Variants in PTPRD observed in about 807,000 individuals in gnomAD.
PTPRD encodes the protein receptor-type tyrosine-protein phosphatase delta.
Under a neutral mutation model 214.5 loss-of-function variants are expected in PTPRD, and 34 were observed. The ratio of observed to expected loss-of-function variants is 0.16; its 90% CI spans 0.12 to 0.21. The LOEUF is 0.21. PTPRD is among the 10% of genes least tolerant of loss of function. PTPRD has a pLI of 1.00. For synonymous variants in PTPRD, 1,128 were observed against 845.7 expected (o/e 1.33, Z -5.79); for missense variants, 2,545 against 2,398.7 (o/e 1.06, Z -1.27).
intron 5 of PTPRD, among the ~76,000 whole-genome samples, chr9:9,789,638 A>C (rs1376221881): frequency 6.6e-6 from 1 of 151,814 alleles, no homozygotes; most frequent in Non-Finnish European, 1.5e-5. Context: ...CCTACTAAAA[A>C]TACAAAAACT....
At chr9:10,080,255 G>A (rs2098213674) in intron 3 of PTPRD, among the ~76,000 whole-genome samples, 1 of 152,022 alleles carries the variant, frequency 6.6e-6, no homozygotes, top group Admixed American at 6.6e-5. Context: ...CACACTAAAG[G>A]AAAATCAGAC....
chr9:10,608,233 G>T (rs1591917181), intron 2 of PTPRD, among the ~76,000 whole-genome samples: 1 of 151,930 alleles, frequency 6.6e-6, no homozygotes, highest in Non-Finnish European at 1.5e-5. Context: ...AAGACACTAA[G>T]CATCCCCTTT....
chr9:8,376,539 T>C, intron 38 of PTPRD, 68 bp downstream of exon 38: 2 of 1,601,042 alleles, frequency 1.2e-6, no homozygotes, highest in South Asian at 2.2e-5. Flanking sequence ...AGAGATTTCA[T>C]TTCTCAAAAG....
intron 5 of PTPRD, among the ~76,000 whole-genome samples, chr9:9,805,880 A>C (rs946840400): frequency 7.9e-5 from 12 of 152,206 alleles, no homozygotes; most frequent in Admixed American, 7.9e-4. Flanking sequence ...CTGTAAGAAG[A>C]ACAGAAAGAA....
rs1386113142 is a variant in PTPRD at position 9,907,265 on chromosome 9, G to C, written c.-368+31242C>G. On this transcript the variant is annotated intron_variant, in intron 5 of 45. Coordinates refer to ENST00000381196, the MANE Select transcript of PTPRD (RefSeq NM_002839.4). Reference sequence around the variant, plus strand: ...TTTTGGAGTCTGTTATTTCACTTGGGTTCTTATATAAGCATCATTGCACAA... The same window carrying C: ...TTTTGGAGTCTGTTATTTCACTTGGCTTCTTATATAAGCATCATTGCACAA... 2.0e-5 allele frequency among the ~76,000 whole-genome samples: 3 copies of C among 151,846 alleles called. No homozygotes were observed. In the East Asian group the frequency reaches 5.8e-4, roughly 29 times the overall value.
At chr9:10,364,848 T>C (rs1163400379) in intron 2 of PTPRD, among the ~76,000 whole-genome samples, 2 of 152,178 alleles carry the variant, frequency 1.3e-5, no homozygotes, top group African/African-American at 4.8e-5. Flanking sequence ...TCACTAAAAT[T>C]TCAGAATTAC....
In PTPRD at chr9:9,729,450, C is replaced by T. The variant is rs141733486; in HGVS notation, c.-287+5083G>A. On this transcript the variant is annotated intron_variant, in intron 7 of 45. Coordinates refer to ENST00000381196, the MANE Select transcript of PTPRD (RefSeq NM_002839.4). Reference sequence around the variant, plus strand: ...GGCCAAAAGTAATCCTATGACCACACCTAACTGCAAGGTGGAAGGAAAATA... The same window carrying T: ...GGCCAAAAGTAATCCTATGACCACATCTAACTGCAAGGTGGAAGGAAAATA... 1.3e-3 allele frequency among the ~76,000 whole-genome samples: 205 copies of T among 152,096 alleles called. 1 individual carries two copies. The highest frequency in any genetic ancestry group is 4.6e-3 in the African/African-American group (189 of 41,510).
At chr9:8,809,321 G>T (rs1555369994) in intron 11 of PTPRD, among the ~76,000 whole-genome samples, 1 of 152,044 alleles carries the variant, frequency 6.6e-6, no homozygotes, top group Non-Finnish European at 1.5e-5. Flanking sequence ...TATAATCTCT[G>T]ACATACAGTG....
intron 3 of PTPRD, among the ~76,000 whole-genome samples, chr9:10,289,660 T>C (rs1444610053): frequency 6.6e-6 from 1 of 152,200 alleles, no homozygotes; most frequent in African/African-American, 2.4e-5. Context: ...AGGTTCTTTA[T>C]TCAACACAGC....
intron 3 of PTPRD, among the ~76,000 whole-genome samples, chr9:10,220,978 T>C (rs2154348938): frequency 6.6e-6 from 1 of 151,752 alleles, no homozygotes; most frequent in East Asian, 1.9e-4. Flanking sequence ...AAAAACGAAA[T>C]GGTACACAGA....
chr9:9,461,199 T>TA (rs35267502), intron 8 of PTPRD, among the ~76,000 whole-genome samples: 77,060 of 150,682 alleles, frequency 0.51, 19,995 homozygotes, highest in East Asian at 0.68. Flanking sequence ...GGGTTGAGGT[T>TA]AAAAAAAAAC....
chr9:9,328,006 C>T lies in PTPRD; in HGVS notation c.-203+69443G>A, dbSNP rs140634870. Among the ~76,000 whole-genome samples, 772 of 151,968 alleles carry T rather than the reference C, an allele frequency of 5.1e-3. 10 individuals are homozygous for T. The highest frequency in any genetic ancestry group is 0.018 in the African/African-American group (748 of 41,464). ...AGCCGTCCTGGGCCCATACAGCCCA[C>T]GGGCCATGGACTGGACAAGCTTGAT... On this transcript the variant is annotated intron_variant, in intron 9 of 45. Coordinates refer to ENST00000381196, the MANE Select transcript of PTPRD (RefSeq NM_002839.4).
At chr9:9,572,159 G>A (rs1270780037) in intron 8 of PTPRD, among the ~76,000 whole-genome samples, 3 of 151,252 alleles carry the variant, frequency 2.0e-5, no homozygotes, top group Non-Finnish European at 4.5e-5. Flanking sequence ...TGAATATAAA[G>A]TGCAAATATT....
chr9:9,332,380 C>T (rs1246126220), intron 9 of PTPRD, among the ~76,000 whole-genome samples: 1 of 151,666 alleles, frequency 6.6e-6, no homozygotes. Context: ...ATCTACATAC[C>T]TCATAGTATA....
At chr9:10,139,619 T>C (rs946949856) in intron 3 of PTPRD, among the ~76,000 whole-genome samples, 3 of 151,944 alleles carry the variant, frequency 2.0e-5, no homozygotes, top group African/African-American at 7.2e-5. Flanking sequence ...GCTGGAGATA[T>C]GTTATCCTAC....
At chr9:10,215,651 T>A (rs565821222) in intron 3 of PTPRD, among the ~76,000 whole-genome samples, 37 of 152,154 alleles carry the variant, frequency 2.4e-4, no homozygotes, top group African/African-American at 8.9e-4. Context: ...CCTGGATATA[T>A]GCCAGAGGGG....
intron 3 of PTPRD, among the ~76,000 whole-genome samples, chr9:10,231,375 A>G (rs1372753938): frequency 6.6e-6 from 1 of 152,002 alleles, no homozygotes; most frequent in African/African-American, 2.4e-5. Context: ...GGGATAATAT[A>G]GGTCACTTAA....
chr9:9,348,064 T>C (rs141248625), intron 9 of PTPRD, among the ~76,000 whole-genome samples: 219 of 152,248 alleles, frequency 1.4e-3, no homozygotes, highest in African/African-American at 5.1e-3. Flanking sequence ...AAAATCCAAG[T>C]GTGCACAATC....
intron 2 of PTPRD, among the ~76,000 whole-genome samples, chr9:10,419,660 G>C (rs563530621): frequency 2.6e-5 from 4 of 151,752 alleles, no homozygotes; most frequent in African/African-American, 9.6e-5. Context: ...CACTTAGTCT[G>C]ATCTCTTGGT....
Sources: allele counts gnomAD v4.1 joint callset (sites outside exome capture counted in the v4.1 genomes callset), GRCh38; gene constraint gnomAD v4.1.1; transcripts MANE v1.5; gene names NCBI Gene and HGNC (gene_info 2026-07-23, HGNC 2026-07-21).